The following MINK1 variants were observed in gnomAD, a reference collection of about 807,000 sequenced individuals.
The protein encoded by MINK1 is misshapen-like kinase 1.
A neutral mutation model predicts 178.4 loss-of-function variants in MINK1; 46 were observed. That is an observed-to-expected ratio of 0.26 (90% CI 0.20 to 0.33). The LOEUF (loss-of-function observed/expected upper bound fraction) is 0.33, where lower values mean the gene tolerates loss of function less well. Among genes scored for constraint, MINK1 ranks in the 10% least tolerant of loss-of-function variants. The pLI is 1.00. For synonymous variants in MINK1, 797 were observed against 709.7 expected (o/e 1.12, Z -1.96); for missense variants, 1,366 against 1,814.9 (o/e 0.75, Z 4.49).
chr17:4,875,855 G>A (rs1967135900), intron 1 of MINK1, among the ~76,000 whole-genome samples: 1 of 150,498 alleles, frequency 6.6e-6, no homozygotes, highest in African/African-American at 2.4e-5. Context: ...GAGTGCAGTG[G>A]TGTGATCTCG....
In MINK1 at chr17:4,894,843, G is replaced by C. The variant is rs1969279713; in HGVS notation, c.2917+210G>C. 3.1e-6 allele frequency: 2 copies of C among 641,250 alleles called. No individual in the cohort carries two copies. Among genetic ancestry groups the C allele is most frequent in the Non-Finnish European group, 5.4e-6 (2 of 373,766 alleles). 39.7% of individuals were successfully genotyped at this position (641,250 alleles called of 1,614,324 possible). ...ACAGGAAATGCTCAGAGTTGCCAGG[G>C]GACCTGGGCAAAGACTCAAAGCTAA... On this transcript the variant is annotated intron_variant, in intron 24 of 31. Transcript: ENST00000355280. This position sits in a 1 kb window ranked among gnomAD's most constrained non-coding sequence, Gnocchi z 4.1.
Position 4,894,005 on chromosome 17 carries a change from A to G in MINK1, c.2582A>G (p.Asp861Gly). 2 of 1,586,826 alleles carry G rather than the reference A, an allele frequency of 1.3e-6. No individual in the cohort carries two copies. Among genetic ancestry groups the G allele is most frequent in the Non-Finnish European group, 8.6e-7 (1 of 1,166,574 alleles). Residue 861 changes from aspartate to glycine, a missense_variant, in exon 22 of 32, where the codon GAC becomes GGC. By Grantham distance (94) the Asp-to-Gly change is moderately conservative. Transcript: ENST00000355280. This position sits in a 1 kb window ranked among gnomAD's most constrained non-coding sequence, Gnocchi z 4.1. The stretch of plus-strand genomic sequence containing the variant: ...TCTCACAGCAGCGATGGGGATACAG[A>G]CAGCGTCAGCACCATGGTGGTCCAC... ...TPGGRSDGDT[D>G]SVSTMVVHDV... is the part of the protein sequence containing the mutation.
At chr17:4,892,262 G>A (rs777022637) in intron 17 of MINK1, 28 bp downstream of exon 17, 11 of 1,547,510 alleles carry the variant, frequency 7.1e-6, no homozygotes, top group Admixed American at 5.9e-5. Flanking sequence ...CAACGCCTGG[G>A]TGAGGTCTGA....
At chr17:4,884,249 T>A (rs1057301380) in intron 4 of MINK1, 114 bp from the exon 5 acceptor site, 1 of 770,394 alleles carries the variant, frequency 1.3e-6, no homozygotes, top group African/African-American at 1.7e-5. Flanking sequence ...CTCATACCAG[T>A]TCTAACCCCA....
At chr17:4,851,999 C>CAAAAAAAAAAAAAAAA (rs535581252) in intron 1 of MINK1, among the ~76,000 whole-genome samples, 1 of 69,446 alleles carries the variant, frequency 1.4e-5, no homozygotes, top group African/African-American at 6.4e-5. Flanking sequence ...GACTCTGTCT[C>CAAAAAAAAAAAAAAAA]AAAAAAAAAA....
chr17:4,834,321 G>A (rs1238863700), intron 1 of MINK1, among the ~76,000 whole-genome samples: 2 of 151,554 alleles, frequency 1.3e-5, no homozygotes, highest in Non-Finnish European at 3.0e-5. Flanking sequence ...GGGAGCCCTC[G>A]GGGAGGAGGG....
chr17:4,854,986 C>G (rs1246291983), intron 1 of MINK1, among the ~76,000 whole-genome samples: 1 of 152,072 alleles, frequency 6.6e-6, no homozygotes, highest in Non-Finnish European at 1.5e-5. Flanking sequence ...GTGGGCAGAT[C>G]ACTTGAGGTC....
In MINK1 at chr17:4,894,516, C is replaced by A; in HGVS notation, c.2809-9C>A. The A allele has an allele frequency of 1.9e-6, 3 of 1,586,950 alleles. No individual in the cohort carries two copies. Among genetic ancestry groups the A allele is most frequent in the East Asian group, 4.6e-5 (2 of 43,606 alleles). ...ACTTGTTTGCCTGACTGCTGTCCCC[C>A]TACCACAGTACCAGTCTCGTGGGCT... On this transcript the variant is annotated splice_polypyrimidine_tract_variant and intron_variant, in intron 23 of 31. Transcript: ENST00000355280. This position sits in a 1 kb window ranked among gnomAD's most constrained non-coding sequence, Gnocchi z 4.1.
At chr17:4,871,018 C>T (rs915192415) in intron 1 of MINK1, 2 of 307,832 alleles carry the variant, frequency 6.5e-6, no homozygotes, top group African/African-American at 2.2e-5. Context: ...ATCTACTTCT[C>T]ATCTCTTTAG....
At chr17:4,868,764 G>A in intron 1 of MINK1, 1 of 252,862 alleles carries the variant, frequency 4.0e-6, no homozygotes, top group South Asian at 3.1e-5. Flanking sequence ...TCTTTTTTTT[G>A]AGACAGGGTC....
At chr17:4,839,172 T>C (rs1433024584) in intron 1 of MINK1, among the ~76,000 whole-genome samples, 1 of 152,160 alleles carries the variant, frequency 6.6e-6, no homozygotes, top group African/African-American at 2.4e-5. Context: ...CTTGATCTCC[T>C]GACCTTGTAA....
Position 4,894,672 on chromosome 17 carries a change from C to T in MINK1, c.2917+39C>T, listed in dbSNP as rs776995424. 1.3e-6 allele frequency: 2 copies of T among 1,486,910 alleles called. No individual in the cohort carries two copies. Among genetic ancestry groups the T allele is most frequent in the African/African-American group, 1.4e-5 (1 of 72,240 alleles). The allele number at this position is 1,486,910 out of a possible 1,614,324, so 92.1% of individuals were successfully genotyped here. The stretch of plus-strand genomic sequence containing the variant: ...GACAGACCTGCTGTGAGGCCAGGGT[C>T]CAGGGGCAGCCTGGAGGGGAGCACA... On this transcript the variant is annotated intron_variant, in intron 24 of 31. Coordinates refer to ENST00000355280, the MANE Select transcript of MINK1 (RefSeq NM_153827.5). The surrounding 1 kb of genome is among the most constrained non-coding windows in gnomAD (Gnocchi z 4.1).
intron 1 of MINK1, among the ~76,000 whole-genome samples, chr17:4,864,740 T>C (rs1256175092): frequency 6.6e-6 from 1 of 151,900 alleles, no homozygotes; most frequent in Non-Finnish European, 1.5e-5. Flanking sequence ...AAAAGAGCTA[T>C]GGGGAGAGTG....
chr17:4,833,528 T>G lies in MINK1; in HGVS notation c.-56T>G. ...GGGGGAGAAGCGGCGACGGCGGCAG[T>G]GGAGTAACCGAGCCGGAGCGTGAGC... On this transcript the variant is annotated 5_prime_UTR_variant, in exon 1 of 32. Transcript: ENST00000355280. The surrounding 1 kb of genome is among the most constrained non-coding windows in gnomAD (Gnocchi z 4.8). The G allele has an allele frequency of 7.1e-7, 1 of 1,413,550 alleles. No individual in the cohort carries two copies. The highest frequency in any genetic ancestry group is 9.5e-7 in the Non-Finnish European group (1 of 1,057,360). 87.6% of individuals were successfully genotyped at this position (1,413,550 alleles called of 1,614,324 possible).
At chr17:4,892,561 C>A in intron 18 of MINK1, 49 bp downstream of exon 18, 1 of 1,537,078 alleles carries the variant, frequency 6.5e-7, no homozygotes. Flanking sequence ...TTCTGCCACC[C>A]GCTTCCCTGG....
intron 1 of MINK1, among the ~76,000 whole-genome samples, chr17:4,862,865 C>G (rs1045698121): frequency 6.6e-6 from 1 of 152,010 alleles, no homozygotes; most frequent in African/African-American, 2.4e-5. Flanking sequence ...GATCCCATCT[C>G]TACAAAAAAG....
At chr17:4,890,086 T>G in intron 13 of MINK1, 2 of 398,956 alleles carry the variant, frequency 5.0e-6, no homozygotes. Flanking sequence ...CTCCCCTACC[T>G]CTCTCTTACT....
chr17:4,885,771 G>A lies in MINK1; in HGVS notation c.640-140G>A, dbSNP rs1051708534. 7.2e-7 allele frequency: 1 copy of A among 1,387,336 alleles called. No homozygotes were observed. The highest frequency in any genetic ancestry group is 1.4e-5 in the African/African-American group (1 of 70,488). 85.9% of individuals were successfully genotyped at this position (1,387,336 alleles called of 1,614,324 possible). A position where few individuals can be genotyped will look rare whatever the true frequency, so the allele number is the denominator to read the frequency against. On this transcript the variant is annotated intron_variant, in intron 7 of 31. Transcript: ENST00000355280. This position sits in a 1 kb window ranked among gnomAD's most constrained non-coding sequence, Gnocchi z 5.0. ...ACGGCAAGGCAAGTGTGGGTGGGAA[G>A]ATGGGATGGGTTGGAAGGCACTGCT...
chr17:4,880,454 T>G (rs576455035), intron 2 of MINK1, among the ~76,000 whole-genome samples: 1 of 150,766 alleles, frequency 6.6e-6, no homozygotes, highest in African/African-American at 2.4e-5. Context: ...CCCAGCTAAT[T>G]TTTTGTATTT....
Sources: gnomAD v4.1 joint callset for allele counts (sites outside exome capture counted in the v4.1 genomes callset) on GRCh38, gnomAD v4.1.1 for gene constraint, Gnocchi (gnomAD v3.1) non-coding constraint, MANE v1.5 for transcripts, NCBI Gene and HGNC (gene_info 2026-07-23, HGNC 2026-07-21) for gene names.